The following CRADD variants were observed in gnomAD, a reference collection of about 807,000 sequenced individuals.
CRADD encodes death domain-containing protein CRADD.
CRADD carries 9 observed loss-of-function variants against 15.5 expected under a neutral mutation model. The ratio of observed to expected loss-of-function variants is 0.58; its 90% confidence interval spans 0.35 to 1.01. The LOEUF is 1.01. Among genes scored for constraint, CRADD ranks in the 50% least tolerant of loss-of-function variants. CRADD has a pLI of 0.02. For synonymous variants in CRADD, 118 were observed against 107.6 expected, an observed-to-expected ratio of 1.10 and a Z score of -0.60; for missense variants, 227 against 250.3, an observed-to-expected ratio of 0.91 and a Z score of 0.63.
chr12:93,681,631 G>A (rs1048588828), intron 2 of CRADD, among the ~76,000 whole-genome samples: 4 of 151,970 alleles, frequency 2.6e-5, no homozygotes, highest in Admixed American at 6.6e-5. Context: ...ATGGTACAGC[G>A]AACACCCGTC....
At chr12:93,705,703 G>T (rs113331106) in intron 2 of CRADD, among the ~76,000 whole-genome samples, 1 of 152,202 alleles carries the variant, frequency 6.6e-6, no homozygotes, top group Non-Finnish European at 1.5e-5. Flanking sequence ...AGCTGGAACA[G>T]ATGGAGCTGT....
intron 2 of CRADD, among the ~76,000 whole-genome samples, chr12:93,767,898 A>T (rs1957042574): frequency 6.6e-6 from 1 of 151,918 alleles, no homozygotes; most frequent in Admixed American, 6.6e-5. Flanking sequence ...ACCACCAAAA[A>T]CTCCTTCAAT....
chr12:93,875,463 GT>G (rs35327274), intron 2 of CRADD, among the ~76,000 whole-genome samples: 4,896 of 151,958 alleles, frequency 0.032, 264 homozygotes, highest in African/African-American at 0.11. Flanking sequence ...TGGTTGTTTT[GT>G]GGTCTTCTCT....
chr12:93,874,565 C>T (rs1224172420), intron 2 of CRADD, among the ~76,000 whole-genome samples: 1 of 151,924 alleles, frequency 6.6e-6, no homozygotes, highest in Non-Finnish European at 1.5e-5. Context: ...GATGTAAGCA[C>T]TTATAGCTGT....
intron 2 of CRADD, among the ~76,000 whole-genome samples, chr12:93,785,407 G>T (rs970390516): frequency 6.6e-6 from 1 of 152,130 alleles, no homozygotes; most frequent in Non-Finnish European, 1.5e-5. Context: ...TGGTATGTGT[G>T]ACCTATGAGT....
At chr12:93,716,131 CAAAA>C (rs200370450) in intron 2 of CRADD, among the ~76,000 whole-genome samples, 2 of 87,666 alleles carry the variant, frequency 2.3e-5, no homozygotes, top group Non-Finnish European at 2.6e-5. Flanking sequence ...GACTCCACCT[CAAAA>C]AAAAAAAAAA....
At chr12:93,696,164 T>G (rs929095688) in intron 2 of CRADD, among the ~76,000 whole-genome samples, 1 of 152,218 alleles carries the variant, frequency 6.6e-6, no homozygotes, top group East Asian at 1.9e-4. Flanking sequence ...ATAGTCATTA[T>G]GGAAAACAGT....
At chr12:93,776,762 C>T (rs1194274086) in intron 2 of CRADD, among the ~76,000 whole-genome samples, 1 of 152,178 alleles carries the variant, frequency 6.6e-6, no homozygotes, top group African/African-American at 2.4e-5. Flanking sequence ...CCTTTGAAAG[C>T]ATGCTGCTAA....
chr12:93,819,018 T>C (rs1258412736), intron 2 of CRADD, among the ~76,000 whole-genome samples: 4 of 152,274 alleles, frequency 2.6e-5, no homozygotes, highest in African/African-American at 9.6e-5. Context: ...CATTTCTAGC[T>C]ACAAGGCCAG....
At position 93,873,274 on chromosome 12, in the gene CRADD, C is replaced by A. The variant is rs1015950489; in HGVS notation, c.299-20776C>A. 3.9e-5 allele frequency among the ~76,000 whole-genome samples: 6 copies of A among 152,028 alleles called. No individual in the cohort carries two copies. In the South Asian group the frequency reaches 8.3e-4, roughly 21 times the overall value. ...GTTGATTTTGTATCCTGTAACTTTA[C>A]TGAATTTGTTTATCAGTTCTAATAG... On this transcript the variant is annotated intron_variant, in intron 2 of 2. Transcript: ENST00000548483.
chr12:93,696,523 C>G (rs1014255891), intron 2 of CRADD, among the ~76,000 whole-genome samples: 1 of 151,980 alleles, frequency 6.6e-6, no homozygotes, highest in Non-Finnish European at 1.5e-5. Context: ...TATGTAGAAT[C>G]TAAAAAAGTT....
At position 93,803,632 on chromosome 12, in the gene CRADD, A is replaced by C. The variant is rs377445635; in HGVS notation, c.299-46338A>C. On this transcript the variant is annotated intron_variant, in intron 2 of 2. Transcript: ENST00000332896. ...TGTCTCTCCTGGCATTCTGAGAAGC[A>C]GAAGTCTCAAATTACTTCCAGCTGA... Among the ~76,000 whole-genome samples the C allele has an allele frequency of 2.6e-5, 4 of 152,346 alleles. No individual in the cohort carries two copies. In the East Asian group the frequency reaches 5.8e-4, roughly 22 times the overall value.
intron 2 of CRADD, among the ~76,000 whole-genome samples, chr12:93,808,244 G>GAA (rs1367669447): frequency 1.3e-5 from 2 of 152,034 alleles, no homozygotes; most frequent in Non-Finnish European, 2.9e-5. Context: ...ATTTATAAAG[G>GAA]AGAGGTTTAA....
intron 2 of CRADD, among the ~76,000 whole-genome samples, chr12:93,864,668 C>A (rs1316516566): frequency 6.6e-6 from 1 of 152,158 alleles, no homozygotes; most frequent in Non-Finnish European, 1.5e-5. Context: ...CTCTTCTTTC[C>A]TAATGAAGTG....
At chr12:93,889,680 G>T (rs1958563178) in intron 2 of CRADD, among the ~76,000 whole-genome samples, 1 of 152,160 alleles carries the variant, frequency 6.6e-6, no homozygotes, top group African/African-American at 2.4e-5. Context: ...GGCCCCAGCT[G>T]CTCAAAGATG....
intron 2 of CRADD, among the ~76,000 whole-genome samples, chr12:93,817,812 T>C (rs1337590469): frequency 6.6e-6 from 1 of 152,216 alleles, no homozygotes; most frequent in East Asian, 1.9e-4. Flanking sequence ...TTGGTCATTC[T>C]ACAGCCAGTC....
At chr12:93,783,893 G>C (rs148328025) in intron 2 of CRADD, among the ~76,000 whole-genome samples, 129 of 152,220 alleles carry the variant, frequency 8.5e-4, no homozygotes, top group African/African-American at 3.0e-3. Context: ...TGTAAAACCT[G>C]GGTGTGCTGG....
chr12:93,894,388 T>G (rs1195204106), exon 3 of CRADD: 2 of 474,470 alleles, frequency 4.2e-6, no homozygotes, highest in Non-Finnish European at 7.7e-6. Context: ...ATGTCAATGG[T>G]GCAGAGGGTG....
intron 2 of CRADD, among the ~76,000 whole-genome samples, chr12:93,773,041 T>A (rs893293964): frequency 1.3e-5 from 2 of 152,240 alleles, no homozygotes; most frequent in Non-Finnish European, 2.9e-5. Flanking sequence ...CAGTATGATG[T>A]TGAGCAAGTT....
Sources: allele counts gnomAD v4.1 joint callset (sites outside exome capture counted in the v4.1 genomes callset), GRCh38; gene constraint gnomAD v4.1.1; transcripts MANE v1.5; gene names NCBI Gene and HGNC (gene_info 2026-07-23, HGNC 2026-07-21).